PLCB1: variants seen among roughly 807,000 people sequenced by gnomAD.
PLCB1 encodes 1-phosphatidylinositol 4,5-bisphosphate phosphodiesterase beta-1.
In PLCB1, 46 loss-of-function variants were observed where a neutral mutation model predicts 161.8. The ratio of observed to expected loss-of-function variants is 0.28; its 90% CI spans 0.22 to 0.36. The LOEUF is 0.36. Ranked by LOEUF, PLCB1 falls within the 10% of genes least tolerant of loss-of-function variation. The probability of loss-of-function intolerance (pLI) is 1.00; values close to 1 mark genes in which losing one functional copy is unlikely to be tolerated. For synonymous variants in PLCB1, 517 were observed against 503.7 expected, an observed-to-expected ratio of 1.03 and a Z score of -0.35; for missense variants, 1,016 against 1,472.5, an observed-to-expected ratio of 0.69 and a Z score of 5.07.
intron 1 of PLCB1, among the ~76,000 whole-genome samples, chr20:8,142,655 C>T (rs924405456): frequency 3.9e-5 from 6 of 152,084 alleles, no homozygotes; most frequent in East Asian, 1.9e-4. Flanking sequence ...AATTCAGAAG[C>T]GTTGGGAGTG....
At chr20:8,603,053 T>C (rs1197257903) in intron 3 of PLCB1, among the ~76,000 whole-genome samples, 1 of 152,152 alleles carries the variant, frequency 6.6e-6, no homozygotes, top group East Asian at 1.9e-4. Context: ...ATGATTTGCA[T>C]TATATGAAGG....
chr20:8,740,970 T>C (rs1600290098), intron 22 of PLCB1, among the ~76,000 whole-genome samples: 1 of 152,232 alleles, frequency 6.6e-6, no homozygotes, highest in East Asian at 1.9e-4. Context: ...AGCTAGGCAC[T>C]GCCCTTCAAA....
chr20:8,696,954 C>G (rs150905257), intron 10 of PLCB1, among the ~76,000 whole-genome samples: 2 of 152,082 alleles, frequency 1.3e-5, no homozygotes, highest in African/African-American at 4.8e-5. Flanking sequence ...AGGATGGTCT[C>G]GATCTCCTGA....
chr20:8,676,255 G>T (rs1356847378), intron 9 of PLCB1, among the ~76,000 whole-genome samples: 1 of 152,226 alleles, frequency 6.6e-6, no homozygotes, highest in East Asian at 1.9e-4. Context: ...CTGCTACTCA[G>T]GAGGCTGAGG....
At chr20:8,768,535 T>C (rs1982493136) in intron 26 of PLCB1, among the ~76,000 whole-genome samples, 1 of 152,196 alleles carries the variant, frequency 6.6e-6, no homozygotes. Flanking sequence ...CGGGATGTTA[T>C]TTAACCCAGT....
intron 31 of PLCB1, among the ~76,000 whole-genome samples, chr20:8,843,872 A>G (rs1337922396): frequency 6.6e-6 from 1 of 152,180 alleles, no homozygotes; most frequent in African/African-American, 2.4e-5. Flanking sequence ...GGGAAAAAAA[A>G]GATTCCTCAC....
intron 3 of PLCB1, among the ~76,000 whole-genome samples, chr20:8,475,822 G>A (rs142037174): frequency 2.5e-3 from 375 of 152,312 alleles, no homozygotes; most frequent in African/African-American, 8.8e-3. Context: ...TTAATACTAG[G>A]ATAACTGGTA....
At chr20:8,381,859 A>G (rs532624493) in intron 3 of PLCB1, among the ~76,000 whole-genome samples, 33 of 151,996 alleles carry the variant, frequency 2.2e-4, no homozygotes, top group Non-Finnish European at 2.2e-4. Context: ...TCTAGCCAGC[A>G]GTCTATCTAT....
At chr20:8,495,802 T>A (rs993805529) in intron 3 of PLCB1, among the ~76,000 whole-genome samples, 4 of 152,178 alleles carry the variant, frequency 2.6e-5, no homozygotes, top group Admixed American at 2.6e-4. Flanking sequence ...GGCCTTTGTA[T>A]TCTCTATTCC....
At chr20:8,729,895 G>A (rs1020841144) in intron 18 of PLCB1, 12 of 151,850 alleles carry the variant, frequency 7.9e-5, no homozygotes, top group African/African-American at 2.4e-5. Flanking sequence ...TCTCATTTGC[G>A]ATCTTGGTTA....
intron 5 of PLCB1, among the ~76,000 whole-genome samples, chr20:8,647,423 T>C (rs1186650725): frequency 6.6e-6 from 1 of 152,234 alleles, no homozygotes; most frequent in African/African-American, 2.4e-5. Flanking sequence ...ATATTTTTGT[T>C]GCACACATCT....
At chr20:8,430,230 T>G (rs1374919823) in intron 3 of PLCB1, among the ~76,000 whole-genome samples, 1 of 151,798 alleles carries the variant, frequency 6.6e-6, no homozygotes, top group Non-Finnish European at 1.5e-5. Flanking sequence ...CAAAGCTGAG[T>G]CCAAGATGGA....
rs79581482 is a variant in PLCB1, at chr20:8,275,187, G to T, written c.178-96195G>T. Among the ~76,000 whole-genome samples the T allele has an allele frequency of 5.9e-3, 890 of 151,256 alleles. 6 individuals are homozygous for T. Among genetic ancestry groups the T allele is most frequent in the Non-Finnish European group, 8.0e-3 (546 of 67,922 alleles). On this transcript the variant is annotated intron_variant, in intron 2 of 31. Transcript: ENST00000338037. ...ATATATGTTCTTTCTAGAATTTCAG[G>T]TCTATTTTCTCTCCCGATACTTTGT...
intron 3 of PLCB1, among the ~76,000 whole-genome samples, chr20:8,610,995 A>G (rs894552491): frequency 6.6e-6 from 1 of 152,090 alleles, no homozygotes; most frequent in Non-Finnish European, 1.5e-5. Flanking sequence ...TCTTAAATAA[A>G]TGGTAAACTA....
intron 2 of PLCB1, among the ~76,000 whole-genome samples, chr20:8,348,335 T>C (rs1354873858): frequency 6.6e-6 from 1 of 152,178 alleles, no homozygotes. Context: ...TAATTGACCT[T>C]GTGGCTATTC....
At chr20:8,857,302 C>T (rs6056210) in intron 31 of PLCB1, among the ~76,000 whole-genome samples, 9 of 152,216 alleles carry the variant, frequency 5.9e-5, no homozygotes, top group African/African-American at 2.2e-4. Context: ...CTCAATCTAC[C>T]ACACTTCTCT....
At chr20:8,564,587 C>T (rs963881867) in intron 3 of PLCB1, among the ~76,000 whole-genome samples, 3 of 152,012 alleles carry the variant, frequency 2.0e-5, no homozygotes, top group Non-Finnish European at 4.4e-5. Context: ...GTGTATCCAC[C>T]TGACAAAGGG....
intron 3 of PLCB1, among the ~76,000 whole-genome samples, chr20:8,415,683 G>A (rs1979238188): frequency 6.6e-6 from 1 of 152,230 alleles, no homozygotes; most frequent in Non-Finnish European, 1.5e-5. Flanking sequence ...TGTGGGAACT[G>A]TGCACCTAAG....
At chr20:8,297,322 A>G (rs945332591) in intron 2 of PLCB1, among the ~76,000 whole-genome samples, 7 of 152,124 alleles carry the variant, frequency 4.6e-5, no homozygotes, top group Non-Finnish European at 8.8e-5. Flanking sequence ...TTTCTTTTCC[A>G]TATTGAAAAT....
Sources: gnomAD v4.1 joint callset for allele counts (sites outside exome capture counted in the v4.1 genomes callset) on GRCh38, gnomAD v4.1.1 for gene constraint, MANE v1.5 for transcripts, NCBI Gene and HGNC (gene_info 2026-07-23, HGNC 2026-07-21) for gene names.